Variants in TEX9 observed in about 807,000 individuals in gnomAD.
TEX9 encodes the protein testis-expressed protein 9.
A neutral mutation model predicts 59.6 loss-of-function variants in TEX9; 74 were observed. The observed-to-expected ratio is 1.24, with a 90% CI of 1.03 to 1.51. The LOEUF (loss-of-function observed/expected upper bound fraction) is 1.51. TEX9 is among the 40% of genes most tolerant of loss of function. The pLI is 0.00. For missense variants in TEX9, 522 were observed against 447.8 expected (o/e 1.17, Z -1.49); for synonymous variants, 186 against 152.2 (o/e 1.22, Z -1.64).
At chr15:56,278,595 G>A (rs2044738020) in intron 1 of TEX9, among the ~76,000 whole-genome samples, 1 of 152,156 alleles carries the variant, frequency 6.6e-6, no homozygotes, top group Admixed American at 6.5e-5. Flanking sequence ...GGGGATATGG[G>A]TAGTATTTTT....
At chr15:56,354,416 G>A (rs1257484418) in intron 1 of TEX9, among the ~76,000 whole-genome samples, 1 of 152,086 alleles carries the variant, frequency 6.6e-6, no homozygotes, top group African/African-American at 2.4e-5. Flanking sequence ...CCCTTTAATT[G>A]TAAAAGCAAG....
chr15:56,441,969 G>A (rs374996793), intron 12 of TEX9, among the ~76,000 whole-genome samples: 5 of 151,922 alleles, frequency 3.3e-5, no homozygotes, highest in Admixed American at 6.6e-5. Context: ...GCAGTGAGCC[G>A]AGATCACGCC....
chr15:56,435,898 A>C (rs888380848), intron 12 of TEX9, among the ~76,000 whole-genome samples: 27 of 152,054 alleles, frequency 1.8e-4, no homozygotes, highest in Admixed American at 7.2e-4. Context: ...CAAATCCTTA[A>C]CCCAATATTA....
intron 1 of TEX9, among the ~76,000 whole-genome samples, chr15:56,301,040 G>A (rs1426737770): frequency 6.6e-6 from 1 of 152,210 alleles, no homozygotes; most frequent in Non-Finnish European, 1.5e-5. Flanking sequence ...ATCACAGAGT[G>A]AAAAGAATAT....
intron 3 of TEX9, chr15:56,374,420 G>A (rs534665522): frequency 1.3e-5 from 2 of 152,070 alleles, no homozygotes; most frequent in African/African-American, 4.8e-5. Flanking sequence ...TAATGTTTGT[G>A]GTTACATAGT....
chr15:56,393,931 T>G (rs576590095), intron 7 of TEX9: 1 of 324,652 alleles, frequency 3.1e-6, no homozygotes, highest in Non-Finnish European at 5.6e-6. Flanking sequence ...GCGTGTGAAT[T>G]TAGTCTGCAA....
At chr15:56,329,475 C>G (rs1458110228) in intron 1 of TEX9, among the ~76,000 whole-genome samples, 1 of 152,088 alleles carries the variant, frequency 6.6e-6, no homozygotes, top group Non-Finnish European at 1.5e-5. Context: ...CGTGTGGAAA[C>G]AGAGATACGT....
chr15:56,326,510 T>G (rs1596091804), intron 1 of TEX9, among the ~76,000 whole-genome samples: 1 of 152,338 alleles, frequency 6.6e-6, no homozygotes, highest in African/African-American at 2.4e-5. Context: ...TAGAAATATT[T>G]AGAAATTACA....
intron 4 of TEX9, 113 bp from the exon 5 acceptor site, chr15:56,388,359 C>A: frequency 1.2e-6 from 1 of 803,430 alleles, no homozygotes; most frequent in Non-Finnish European, 2.0e-6. Flanking sequence ...AGAATTATAG[C>A]AAAGTCTGTT....
intron 1 of TEX9, among the ~76,000 whole-genome samples, chr15:56,353,912 C>T (rs1018632138): frequency 6.6e-6 from 1 of 152,168 alleles, no homozygotes. Context: ...TCTTTCTTGC[C>T]AGCTTTAGAG....
intron 1 of TEX9, among the ~76,000 whole-genome samples, chr15:56,276,269 A>G (rs1463712088): frequency 2.0e-5 from 3 of 152,014 alleles, no homozygotes; most frequent in African/African-American, 7.2e-5. Context: ...CTATCCACCC[A>G]TCATCTAGGT....
At chr15:56,390,945 T>G (rs989021797) in intron 6 of TEX9, among the ~76,000 whole-genome samples, 3 of 152,066 alleles carry the variant, frequency 2.0e-5, no homozygotes, top group Non-Finnish European at 4.4e-5. Context: ...TCTGGCCTCA[T>G]AAAGCCTTCT....
intron 1 of TEX9, among the ~76,000 whole-genome samples, chr15:56,351,438 A>G (rs1344989812): frequency 2.6e-5 from 4 of 152,246 alleles, no homozygotes; most frequent in East Asian, 3.8e-4. Context: ...TTTGCCCTCA[A>G]AAAGTTAGAG....
chr15:56,322,943 G>A (rs2045934856), intron 1 of TEX9, among the ~76,000 whole-genome samples: 1 of 152,030 alleles, frequency 6.6e-6, no homozygotes, highest in African/African-American at 2.4e-5. Flanking sequence ...GGTAAAGAGA[G>A]GAGGAGAAGA....
At chr15:56,391,359 A>C (rs745805522) in exon 7 of TEX9, 1 of 1,592,606 alleles carries the variant, frequency 6.3e-7, no homozygotes. Context: ...CTGGAGGAAG[A>C]AGGCTTACCT....
chr15:56,275,616 C>A (rs184410924), intron 1 of TEX9, among the ~76,000 whole-genome samples: 17 of 152,274 alleles, frequency 1.1e-4, no homozygotes, highest in African/African-American at 4.1e-4. Flanking sequence ...CTAGGTGAGC[C>A]AGCCTCTTGC....
chr15:56,423,758 T>C (rs540909567), intron 10 of TEX9, among the ~76,000 whole-genome samples: 49 of 152,264 alleles, frequency 3.2e-4, no homozygotes, highest in African/African-American at 1.1e-3. Context: ...TCTGTTCTGG[T>C]ATATGATTAT....
downstream of TEX9, among the ~76,000 whole-genome samples, chr15:56,448,233 A>C (rs1166711482): frequency 5.9e-5 from 9 of 152,176 alleles, no homozygotes; most frequent in Non-Finnish European, 4.4e-5. Flanking sequence ...ACTGTCTACT[A>C]AAGTGGTTTT....
intron 1 of TEX9, among the ~76,000 whole-genome samples, chr15:56,296,185 A>G (rs2045214140): frequency 6.6e-6 from 1 of 152,196 alleles, no homozygotes. Context: ...CCCCAGTATT[A>G]TATCTTTTTT....
Sources: gnomAD v4.1 joint callset for allele counts (sites outside exome capture counted in the v4.1 genomes callset) on GRCh38, gnomAD v4.1.1 for gene constraint, MANE v1.5 for transcripts, NCBI Gene and HGNC (gene_info 2026-07-23, HGNC 2026-07-21) for gene names.